The following ARHGAP25 variants were observed in gnomAD, a reference collection of about 807,000 sequenced individuals.
ARHGAP25 encodes rho GTPase-activating protein 25.
ARHGAP25 carries 34 observed loss-of-function variants against 71.0 expected under a neutral mutation model. The observed-to-expected ratio is 0.48, with a 90% CI of 0.36 to 0.64. The LOEUF is 0.64. Ranked by LOEUF, ARHGAP25 falls within the 30% of genes least tolerant of loss-of-function variation. The pLI, the probability that ARHGAP25 is intolerant of heterozygous loss-of-function variation, is 0.00. For missense variants in ARHGAP25, 706 were observed against 805.1 expected, an observed-to-expected ratio of 0.88 and a Z score of 1.49; for synonymous variants, 282 against 296.5, an observed-to-expected ratio of 0.95 and a Z score of 0.50.
At chr2:68,754,949 T>C (rs899131592) in intron 1 of ARHGAP25, among the ~76,000 whole-genome samples, 3 of 152,192 alleles carry the variant, frequency 2.0e-5, no homozygotes, top group African/African-American at 7.2e-5. Flanking sequence ...AGATATGTGA[T>C]CTGCAAATAT....
chr2:68,808,226 T>G (rs1342339765), intron 5 of ARHGAP25, among the ~76,000 whole-genome samples: 1 of 152,224 alleles, frequency 6.6e-6, no homozygotes, highest in Non-Finnish European at 1.5e-5. Context: ...CTTGTCCTGC[T>G]GGCATAAGAT....
rs769363824 is a variant in ARHGAP25 at position 68,822,823 on chromosome 2, C to T, written c.1684C>T (p.Arg562Ter). ...DSLQRMVQEL[R>*]KEIETQKQMY... ...TTTGCAGAGGATGGTCCAAGAGCTA[C>T]GAAAGGAAATAGAAACACAGAAGCA... The change falls in exon 10 of 11, where the codon CGA becomes TGA. Residue 562 changes from arginine (R) to a stop codon, truncating the protein, a stop_gained. Transcript: ENST00000409202. LOFTEE classifies it high-confidence loss of function. The T allele has an allele frequency of 5.0e-6, 8 of 1,613,546 alleles. No individual in the cohort carries two copies. Among genetic ancestry groups the T allele is most frequent in the Non-Finnish European group, 6.8e-6 (8 of 1,179,908 alleles).
chr2:68,746,745 G>A (rs893238295), intron 1 of ARHGAP25, among the ~76,000 whole-genome samples: 8 of 151,224 alleles, frequency 5.3e-5, no homozygotes, highest in African/African-American at 1.7e-4. Context: ...GGTGGCTCAC[G>A]CTTGTAATCC....
intron 1 of ARHGAP25, among the ~76,000 whole-genome samples, chr2:68,738,214 T>TTGCTCGTTAATTTATG (rs371143604): frequency 0.012 from 1,870 of 152,294 alleles, 38 homozygotes; most frequent in African/African-American, 0.043. Flanking sequence ...CTCAAATATT[T>TTGCTCGTTAATTTATG]TGCCTTTTTA....
At chr2:68,778,942 G>C (rs547480073) in intron 2 of ARHGAP25, among the ~76,000 whole-genome samples, 130 of 152,260 alleles carry the variant, frequency 8.5e-4, no homozygotes, top group African/African-American at 3.0e-3. Flanking sequence ...ACGGTTTAAG[G>C]CTGTGTAAGT....
intron 2 of ARHGAP25, among the ~76,000 whole-genome samples, chr2:68,722,069 G>A (rs913252350): frequency 6.6e-6 from 1 of 152,196 alleles, no homozygotes; most frequent in African/African-American, 2.4e-5. Context: ...AGTGCTTTGT[G>A]GACAGACAGC....
chr2:68,809,280 G>A (rs376644115), intron 5 of ARHGAP25, among the ~76,000 whole-genome samples: 17 of 152,132 alleles, frequency 1.1e-4, no homozygotes, highest in South Asian at 6.2e-4. Flanking sequence ...GCTGTGCCCC[G>A]CAATGGGCAG....
At chr2:68,750,582 A>G (rs1469861039) in intron 1 of ARHGAP25, among the ~76,000 whole-genome samples, 1 of 152,106 alleles carries the variant, frequency 6.6e-6, no homozygotes, top group Non-Finnish European at 1.5e-5. Context: ...CGGCCTCCCA[A>G]AGTGCTGGGA....
Position 68,734,865 on chromosome 2 carries a change from C to T in ARHGAP25, c.-335C>T, listed in dbSNP as rs1675124438. The stretch of plus-strand genomic sequence containing the variant: ...GGCCTGAGATTCTTTCGAAAAGGAG[C>T]TTTGCTTCCCATGACGCAGAGGGAA... On this transcript the variant is annotated 5_prime_UTR_variant, in exon 1 of 11. Transcript: ENST00000409202. 1 of 338,450 alleles carries T rather than the reference C, an allele frequency of 3.0e-6. No individual in the cohort carries two copies. Among genetic ancestry groups the T allele is most frequent in the Non-Finnish European group, 5.5e-6 (1 of 183,482 alleles). 21.0% of individuals were successfully genotyped at this position (338,450 alleles called of 1,614,324 possible). A position where few individuals can be genotyped will look rare whatever the true frequency, so the allele number is the denominator to read the frequency against.
At chr2:68,803,573 A>G (rs1039335337) in intron 4 of ARHGAP25, among the ~76,000 whole-genome samples, 1 of 152,150 alleles carries the variant, frequency 6.6e-6, no homozygotes, top group Non-Finnish European at 1.5e-5. Flanking sequence ...ATTCTTTCAT[A>G]AATGGCAAAG....
At position 68,775,432 on chromosome 2, in the gene ARHGAP25, G is replaced by A; in HGVS notation, c.261+12G>A. The A allele has an allele frequency of 1.2e-6, 2 of 1,614,212 alleles. No individual in the cohort carries two copies. Among genetic ancestry groups the A allele is most frequent in the Non-Finnish European group, 1.7e-6 (2 of 1,180,026 alleles). On this transcript the variant is annotated intron_variant, in intron 2 of 10. Transcript: ENST00000409202. The stretch of plus-strand genomic sequence containing the variant: ...ACACGAAGCCCCAGGTACCAGCCAG[G>A]CTGTTTGTCCCGTTCATAAGGCACG...
intron 1 of ARHGAP25, among the ~76,000 whole-genome samples, chr2:68,755,937 C>G (rs1573445369): frequency 6.6e-6 from 1 of 152,286 alleles, no homozygotes. Context: ...TGATGAATCT[C>G]TATTTGGTAT....
intron 2 of ARHGAP25, among the ~76,000 whole-genome samples, chr2:68,713,298 G>A (rs1263104193): frequency 2.0e-5 from 3 of 152,016 alleles, no homozygotes; most frequent in Non-Finnish European, 4.4e-5. Context: ...TCATGATTTG[G>A]TCCTCCATCT....
intron 7 of ARHGAP25, 52 bp downstream of exon 7, chr2:68,816,414 G>A: frequency 6.9e-7 from 1 of 1,456,370 alleles, no homozygotes; most frequent in Non-Finnish European, 9.6e-7. Context: ...TCAGAAAGAA[G>A]CTCCTAGTTA....
At chr2:68,766,521 G>A (rs183733188) in intron 1 of ARHGAP25, among the ~76,000 whole-genome samples, 1 of 152,260 alleles carries the variant, frequency 6.6e-6, no homozygotes, top group Non-Finnish European at 1.5e-5. Context: ...AGAGGCAACT[G>A]CACTCTAAAT....
Position 68,822,725 on chromosome 2 carries a change from G to A in ARHGAP25, c.1586G>A (p.Gly529Glu). The change falls in exon 10 of 11, where the codon GGA becomes GAA. Residue 529 changes from glycine to glutamate, a missense_variant. By Grantham distance (98) the Gly-to-Glu change is moderately conservative (BLOSUM62 -2). Transcript: ENST00000409202. The stretch of plus-strand genomic sequence containing the variant: ...TCTTCCCAAGCCTGTGACTCCAAGG[G>A]AGATACTCTTGCCAGTCCAAACTCT... ...ALSSQACDSK[G>E]DTLASPNSET... is the part of the protein sequence containing the mutation. 1.2e-6 allele frequency: 2 copies of A among 1,614,200 alleles called. No individual in the cohort carries two copies. Among genetic ancestry groups the A allele is most frequent in the Non-Finnish European group, 1.7e-6 (2 of 1,180,050 alleles).
At chr2:68,764,872 TC>T (rs1398059514) in intron 1 of ARHGAP25, among the ~76,000 whole-genome samples, 1 of 152,124 alleles carries the variant, frequency 6.6e-6, no homozygotes, top group African/African-American at 2.4e-5. Context: ...AAATCCGTCT[TC>T]CCCCCAAATG....
rs531874708 is a variant in ARHGAP25 at position 68,796,569 on chromosome 2, T to G, written c.466+8613T>G. Among the ~76,000 whole-genome samples, 6 of 152,352 alleles carry G rather than the reference T, an allele frequency of 3.9e-5. 1 individual carries two copies. In the South Asian group the frequency reaches 1.2e-3, roughly 32 times the overall value. ...GGCCATTTGACTTTGCTTCTTAGTG[T>G]GTGCAGTGGTGAAGATGCTGTATGA... On this transcript the variant is annotated intron_variant, in intron 4 of 10. Coordinates refer to ENST00000409202, the MANE Select transcript of ARHGAP25 (RefSeq NM_001007231.3).
intron 2 of ARHGAP25, among the ~76,000 whole-genome samples, chr2:68,721,101 T>C (rs1333272264): frequency 1.3e-5 from 2 of 152,190 alleles, no homozygotes; most frequent in Admixed American, 6.5e-5. Flanking sequence ...TTGATTAACA[T>C]TGGAAATAGT....
Sources: allele counts gnomAD v4.1 joint callset (sites outside exome capture counted in the v4.1 genomes callset), GRCh38; gene constraint gnomAD v4.1.1; transcripts MANE v1.5; gene names NCBI Gene and HGNC (gene_info 2026-07-23, HGNC 2026-07-21).